TYR: variants seen among roughly 807,000 people sequenced by gnomAD.
The protein encoded by TYR is LB24-AB.
A neutral mutation model predicts 51.5 loss-of-function variants in TYR; 58 were observed. That is an observed-to-expected ratio of 1.13 (90% CI 0.91 to 1.40). TYR has a LOEUF of 1.40. Among genes scored for constraint, TYR ranks in the 40% most tolerant of loss-of-function variants. TYR has a pLI of 0.00. For synonymous variants in TYR, 263 were observed against 235.2 expected (o/e 1.12, Z -1.08); for missense variants, 732 against 647.4 (o/e 1.13, Z -1.42).
At chr11:89,294,210 C>T (rs1412343034) in intron 4 of TYR, 1 of 152,994 alleles carries the variant, frequency 6.5e-6, no homozygotes, top group East Asian at 1.9e-4. Flanking sequence ...TCAGGCTCTG[C>T]CTCTTCGACT....
intron 4 of TYR, among the ~76,000 whole-genome samples, chr11:89,293,154 T>C (rs1347122358): frequency 2.0e-5 from 3 of 152,166 alleles, no homozygotes; most frequent in Non-Finnish European, 1.5e-5. Flanking sequence ...CAACTAATTA[T>C]AGAATCATCT....
chr11:89,249,658 G>A (rs983843744), intron 3 of TYR, among the ~76,000 whole-genome samples: 5 of 151,888 alleles, frequency 3.3e-5, no homozygotes, highest in African/African-American at 1.2e-4. Flanking sequence ...CAAAACTTTT[G>A]AAAAGTTTTC....
chr11:89,187,658 T>C (rs1943392777), intron 1 of TYR, among the ~76,000 whole-genome samples: 1 of 152,128 alleles, frequency 6.6e-6, no homozygotes, highest in Non-Finnish European at 1.5e-5. Context: ...TTATAAACTA[T>C]AAATGTTTGA....
intron 3 of TYR, among the ~76,000 whole-genome samples, chr11:89,248,066 T>C (rs2135297125): frequency 6.6e-6 from 1 of 152,304 alleles, no homozygotes; most frequent in Non-Finnish European, 1.5e-5. Context: ...ACATAATCTC[T>C]GGCAAGCTGC....
At position 89,287,152 on chromosome 11, in the gene TYR, C is replaced by T. The variant is rs540306250; in HGVS notation, c.1366+2198C>T. 2.6e-5 allele frequency among the ~76,000 whole-genome samples: 4 copies of T among 151,820 alleles called. No individual in the cohort carries two copies. The South Asian group carries it at 6.2e-4, about 24-fold the overall frequency. ...TCCTGGGTTTTATTCTTCCCCAAAC[C>T]CCCAAGATCAGAATTTATCTTGCAA... On this transcript the variant is annotated intron_variant, in intron 4 of 4. Coordinates refer to ENST00000263321, the MANE Select transcript of TYR (RefSeq NM_000372.5).
chr11:89,220,687 G>A (rs542393173), intron 2 of TYR, among the ~76,000 whole-genome samples: 26 of 152,090 alleles, frequency 1.7e-4, no homozygotes, highest in Non-Finnish European at 3.1e-4. Context: ...CTGGGAGGCG[G>A]AGGTTGCAGT....
At chr11:89,240,319 C>T (rs1430002883) in intron 3 of TYR, among the ~76,000 whole-genome samples, 1 of 151,830 alleles carries the variant, frequency 6.6e-6, no homozygotes, top group Non-Finnish European at 1.5e-5. Context: ...TATCTAAAAC[C>T]TATCCTATCA....
At chr11:89,249,702 G>A (rs1232393463) in intron 3 of TYR, among the ~76,000 whole-genome samples, 1 of 152,014 alleles carries the variant, frequency 6.6e-6, no homozygotes, top group African/African-American at 2.4e-5. Context: ...TGGGAAGCAG[G>A]AAAGAGGATA....
At chr11:89,248,498 A>C (rs1408750157) in intron 3 of TYR, among the ~76,000 whole-genome samples, 3 of 152,100 alleles carry the variant, frequency 2.0e-5, no homozygotes, top group Non-Finnish European at 4.4e-5. Context: ...GAAGGCACAC[A>C]TTTAAAGGTC....
At chr11:89,219,939 A>G (rs1216745020) in intron 2 of TYR, among the ~76,000 whole-genome samples, 3 of 152,214 alleles carry the variant, frequency 2.0e-5, no homozygotes, top group Non-Finnish European at 4.4e-5. Flanking sequence ...TAAAGGAACT[A>G]TCATAACTGC....
intron 3 of TYR, among the ~76,000 whole-genome samples, chr11:89,232,144 T>C (rs1944058772): frequency 7.0e-6 from 1 of 143,778 alleles, no homozygotes; most frequent in Non-Finnish European, 1.5e-5. Flanking sequence ...AATGCAATGT[T>C]AATTAGTTTG....
At chr11:89,212,743 A>G (rs968186666) in intron 2 of TYR, among the ~76,000 whole-genome samples, 4 of 152,166 alleles carry the variant, frequency 2.6e-5, no homozygotes, top group Non-Finnish European at 4.4e-5. Flanking sequence ...ATCCACCACA[A>G]TCAAGTTGGC....
chr11:89,240,136 G>C (rs1358934045), intron 3 of TYR, among the ~76,000 whole-genome samples: 1 of 152,046 alleles, frequency 6.6e-6, no homozygotes, highest in East Asian at 1.9e-4. Flanking sequence ...GCTAATGGGT[G>C]CTGGGCTTAA....
intron 3 of TYR, among the ~76,000 whole-genome samples, chr11:89,261,381 T>TA (rs1944454522): frequency 6.6e-6 from 1 of 152,082 alleles, no homozygotes; most frequent in Non-Finnish European, 1.5e-5. Context: ...ATATTTTATG[T>TA]AAAAAATATT....
In TYR at chr11:89,295,189, G is replaced by A. The variant is rs3913544; in HGVS notation, c.1413G>A (p.Ala471=). The A allele has an allele frequency of 3.1e-6, 5 of 1,614,006 alleles. No individual in the cohort carries two copies. Among genetic ancestry groups the A allele is most frequent in the South Asian group, 1.1e-5 (1 of 91,074 alleles). The part of the protein sequence containing the change: ...QDYIKSYLEQ[A]SRIWSWLLGA... ...ACATTAAGTCCTATTTGGAACAAGC[G>A]AGTCGGATCTGGTCATGGCTCCTTG... is the stretch of plus-strand genomic sequence containing the variant. The change falls in exon 5 of 5, where the codon GCG becomes GCA. Residue 471 remains alanine, a synonymous_variant. Coordinates refer to ENST00000263321, the MANE Select transcript of TYR (RefSeq NM_000372.5).
intron 3 of TYR, among the ~76,000 whole-genome samples, chr11:89,274,486 A>G (rs1944627923): frequency 6.6e-6 from 1 of 151,870 alleles, no homozygotes; most frequent in Non-Finnish European, 1.5e-5. Context: ...TGCTCTGTGC[A>G]AGTATAATGG....
At chr11:89,286,662 T>G (rs1388293430) in intron 4 of TYR, among the ~76,000 whole-genome samples, 1 of 151,782 alleles carries the variant, frequency 6.6e-6, no homozygotes, top group Non-Finnish European at 1.5e-5. Context: ...AGATATGGGT[T>G]TAATTGAACT....
chr11:89,207,611 A>C (rs1943688836), intron 2 of TYR, among the ~76,000 whole-genome samples: 1 of 152,218 alleles, frequency 6.6e-6, no homozygotes. Flanking sequence ...TCATTTTATA[A>C]ATCCAGTATT....
intron 3 of TYR, among the ~76,000 whole-genome samples, chr11:89,269,667 A>G (rs1007800596): frequency 2.0e-5 from 3 of 151,930 alleles, no homozygotes; most frequent in African/African-American, 7.2e-5. Flanking sequence ...TCTAGACTAT[A>G]TACTTAAAAT....
Sources: gnomAD v4.1 joint callset for allele counts (sites outside exome capture counted in the v4.1 genomes callset) on GRCh38, gnomAD v4.1.1 for gene constraint, MANE v1.5 for transcripts, NCBI Gene and HGNC (gene_info 2026-07-23, HGNC 2026-07-21) for gene names.